The following NCAM2 variants were observed in gnomAD, a reference collection of about 807,000 sequenced individuals.
NCAM2 encodes N-CAM-2.
Under a neutral mutation model 98.1 loss-of-function variants are expected in NCAM2, and 30 were observed. The ratio of observed to expected loss-of-function variants is 0.31; its 90% CI spans 0.23 to 0.41. The LOEUF is 0.41. NCAM2 is among the 10% of genes least tolerant of loss of function. The pLI is 1.00. For synonymous variants in NCAM2, 368 were observed against 342.4 expected, an observed-to-expected ratio of 1.07 and a Z score of -0.83; for missense variants, 867 against 1,005.8, an observed-to-expected ratio of 0.86 and a Z score of 1.87.
chr21:21,225,047 G>A (rs1370427721), intron 1 of NCAM2, among the ~76,000 whole-genome samples: 3 of 152,008 alleles, frequency 2.0e-5, no homozygotes, highest in Non-Finnish European at 4.4e-5. Context: ...AGAAAACATG[G>A]TACATATACA....
rs902726777 is a variant in NCAM2, at chr21:21,155,828, A to G, written c.56-124750A>G. ...CAACCATGGGAGCAAGTTTTTCAAAATAAGTTTTTAAAAAATATTTTCATT... is the reference window on the plus strand; with the variant it reads ...CAACCATGGGAGCAAGTTTTTCAAAGTAAGTTTTTAAAAAATATTTTCATT... On this transcript the variant is annotated intron_variant, in intron 1 of 17. Transcript: ENST00000400546. 1.4e-4 allele frequency among the ~76,000 whole-genome samples: 22 copies of G among 152,108 alleles called. No homozygotes were observed. In the South Asian group the frequency reaches 2.7e-3, roughly 19 times the overall value.
chr21:21,524,770 G>T (rs551594059), intron 16 of NCAM2, among the ~76,000 whole-genome samples: 2 of 152,132 alleles, frequency 1.3e-5, no homozygotes, highest in African/African-American at 4.8e-5. Flanking sequence ...TAGGTCATAT[G>T]ACACACTTTA....
intron 1 of NCAM2, among the ~76,000 whole-genome samples, chr21:21,101,108 G>T (rs139583398): frequency 6.6e-6 from 1 of 151,946 alleles, no homozygotes; most frequent in South Asian, 2.1e-4. Context: ...TAATTCATGG[G>T]AGGCTATTAT....
chr21:21,179,680 C>G (rs1341750353), intron 1 of NCAM2, among the ~76,000 whole-genome samples: 1 of 152,098 alleles, frequency 6.6e-6, no homozygotes, highest in Non-Finnish European at 1.5e-5. Context: ...AAGTAAACAT[C>G]TCTGGTTAAT....
intron 1 of NCAM2, among the ~76,000 whole-genome samples, chr21:21,248,005 ATG>A (rs1568829824): frequency 1.3e-5 from 2 of 152,134 alleles, no homozygotes; most frequent in African/African-American, 4.8e-5. Flanking sequence ...AGAGGACAGA[ATG>A]TGAGGGAAGA....
intron 17 of NCAM2, among the ~76,000 whole-genome samples, chr21:21,536,480 C>T (rs776740137): frequency 2.6e-5 from 4 of 151,646 alleles, no homozygotes; most frequent in Non-Finnish European, 4.4e-5. Context: ...CAACCTCCGC[C>T]TCCCAGGTTC....
rs1051408980 is a variant in NCAM2, at chr21:21,237,336, C to T, written c.56-43242C>T. Reference sequence around the variant, plus strand: ...AAGGAAAATTCTACCTAGCTACTTTCTATAATTAGCTCTGTCAGTAGGTAA... The same window carrying T: ...AAGGAAAATTCTACCTAGCTACTTTTTATAATTAGCTCTGTCAGTAGGTAA... On this transcript the variant is annotated intron_variant, in intron 1 of 17. Coordinates refer to ENST00000400546, the MANE Select transcript of NCAM2 (RefSeq NM_004540.5). Among the ~76,000 whole-genome samples, 7 of 152,162 alleles carry T rather than the reference C, an allele frequency of 4.6e-5. No homozygotes were observed. The East Asian group carries it at 1.4e-3, about 29-fold the overall frequency.
intron 1 of NCAM2, among the ~76,000 whole-genome samples, chr21:21,055,996 G>A (rs1282292388): frequency 1.3e-5 from 2 of 151,946 alleles, no homozygotes; most frequent in East Asian, 1.9e-4. Context: ...TCTTCTTAAG[G>A]TACCTCATTT....
chr21:21,530,285 T>A (rs969787498), intron 16 of NCAM2, among the ~76,000 whole-genome samples: 22 of 121,570 alleles, frequency 1.8e-4, no homozygotes, highest in East Asian at 7.1e-4. Flanking sequence ...TAATTTAATT[T>A]AATTATATAT....
chr21:21,141,494 G>A (rs1386971574), intron 1 of NCAM2, among the ~76,000 whole-genome samples: 1 of 152,064 alleles, frequency 6.6e-6, no homozygotes, highest in East Asian at 1.9e-4. Context: ...AATAAATGTT[G>A]GATTTTTCCT....
At chr21:21,518,246 G>A (rs1569134355) in intron 16 of NCAM2, among the ~76,000 whole-genome samples, 1 of 151,960 alleles carries the variant, frequency 6.6e-6, no homozygotes, top group East Asian at 1.9e-4. Context: ...TGTTATGTAT[G>A]TTCTGTAAGG....
At chr21:21,017,706 C>T (rs1190367590) in intron 1 of NCAM2, among the ~76,000 whole-genome samples, 1 of 152,050 alleles carries the variant, frequency 6.6e-6, no homozygotes, top group Non-Finnish European at 1.5e-5. Context: ...AAACTATGCA[C>T]GCGCTCCATA....
intron 8 of NCAM2, among the ~76,000 whole-genome samples, chr21:21,353,131 A>C (rs1239971651): frequency 6.6e-6 from 1 of 152,140 alleles, no homozygotes; most frequent in Non-Finnish European, 1.5e-5. Context: ...TCCATATTAT[A>C]CATACTGTTA....
chr21:21,130,486 C>T (rs886713872), intron 1 of NCAM2, among the ~76,000 whole-genome samples: 1 of 151,906 alleles, frequency 6.6e-6, no homozygotes, highest in African/African-American at 2.4e-5. Flanking sequence ...ACTGTGCTTC[C>T]AATAACATTT....
chr21:20,999,340 G>A (rs1456941461), intron 1 of NCAM2, among the ~76,000 whole-genome samples: 1 of 149,756 alleles, frequency 6.7e-6, no homozygotes, highest in African/African-American at 2.5e-5. Flanking sequence ...ACTGGTGGAA[G>A]CTTTTATCTC....
intron 9 of NCAM2, among the ~76,000 whole-genome samples, chr21:21,389,534 C>T (rs965434411): frequency 2.0e-5 from 3 of 152,174 alleles, no homozygotes; most frequent in Non-Finnish European, 4.4e-5. Flanking sequence ...TCTTATTCCT[C>T]CTATCTAACT....
intron 16 of NCAM2, among the ~76,000 whole-genome samples, chr21:21,522,032 T>G (rs1475204675): frequency 1.3e-5 from 2 of 148,436 alleles, no homozygotes; most frequent in Non-Finnish European, 3.0e-5. Context: ...GATATAAATA[T>G]ATTATTCATA....
At chr21:21,494,061 T>G (rs1987037408) in intron 15 of NCAM2, among the ~76,000 whole-genome samples, 1 of 151,908 alleles carries the variant, frequency 6.6e-6, no homozygotes, top group African/African-American at 2.4e-5. Context: ...AACTGAAAAC[T>G]TTAAACATCT....
chr21:21,519,270 AT>A (rs1255463451), intron 16 of NCAM2, among the ~76,000 whole-genome samples: 1 of 152,126 alleles, frequency 6.6e-6, no homozygotes, highest in East Asian at 1.9e-4. Context: ...TGTGTGAAGA[AT>A]GGGTTATTGG....
Sources: gnomAD v4.1 joint callset for allele counts (sites outside exome capture counted in the v4.1 genomes callset) on GRCh38, gnomAD v4.1.1 for gene constraint, MANE v1.5 for transcripts, NCBI Gene and HGNC (gene_info 2026-07-23, HGNC 2026-07-21) for gene names.